The following EPS8 variants were observed in gnomAD, a reference collection of about 807,000 sequenced individuals.
EPS8 encodes EGFR pathway substrate 8, signaling adaptor.
In EPS8, 42 loss-of-function variants were observed where a neutral mutation model predicts 103.8. The ratio of observed to expected loss-of-function variants is 0.40; its 90% confidence interval spans 0.32 to 0.52. EPS8 has a LOEUF of 0.52. EPS8 is among the 20% of genes least tolerant of loss of function. The probability of loss-of-function intolerance (pLI) is 0.40; values close to 1 mark genes in which losing one functional copy is unlikely to be tolerated. For missense variants in EPS8, 969 were observed against 1,005.1 expected (o/e 0.96, Z 0.49); for synonymous variants, 344 against 344.6 (o/e 1.00, Z 0.02).
rs1438184349 is a variant in EPS8 at position 15,680,953 on chromosome 12, G to C, written c.136+273C>G. ...ACAAACATTATTACAAGTAGTAAAT[G>C]GGAAAAGCCACCTAGGGCATTGGCA... On this transcript the variant is annotated intron_variant, in intron 3 of 20. Coordinates refer to ENST00000281172, the MANE Select transcript of EPS8 (RefSeq NM_004447.6). Among the ~76,000 whole-genome samples the C allele has an allele frequency of 3.3e-5, 5 of 152,126 alleles. No homozygotes were observed. In the South Asian group the frequency reaches 1.0e-3, roughly 32 times the overall value.
intron 3 of EPS8, among the ~76,000 whole-genome samples, chr12:15,679,334 C>T (rs963665588): frequency 1.2e-4 from 18 of 152,170 alleles, no homozygotes; most frequent in Non-Finnish European, 2.1e-4. Context: ...ATGTGGTCTA[C>T]GTTCATTTTT....
rs965385044 is a variant in EPS8, at chr12:15,690,542, G to C, written c.-21-7570C>G. On this transcript the variant is annotated intron_variant, in intron 1 of 20. Transcript: ENST00000281172. The surrounding 1 kb of genome is among the most constrained non-coding windows in gnomAD (Gnocchi z 4.7). ...GATTGTTTTGATAAGGGAACACAGA[G>C]GTATTATATCTTATCAAGGATTATC... Among the ~76,000 whole-genome samples the C allele has an allele frequency of 1.3e-5, 2 of 152,006 alleles. No individual in the cohort carries two copies. Among genetic ancestry groups the C allele is most frequent in the East Asian group, 3.9e-4 (2 of 5,190 alleles).
At chr12:15,719,494 C>T (rs2135974056) in intron 1 of EPS8, among the ~76,000 whole-genome samples, 1 of 152,314 alleles carries the variant, frequency 6.6e-6, no homozygotes, top group East Asian at 1.9e-4. Flanking sequence ...GTGTCAGTGA[C>T]ACACAACAGA....
intron 3 of EPS8, among the ~76,000 whole-genome samples, chr12:15,676,841 T>G (rs1945917414): frequency 6.6e-6 from 1 of 152,178 alleles, no homozygotes; most frequent in Admixed American, 6.5e-5. Context: ...ATTTCTTGTA[T>G]GGTAATTTAA....
chr12:15,723,920 T>C (rs1946625356), intron 1 of EPS8, among the ~76,000 whole-genome samples: 1 of 152,202 alleles, frequency 6.6e-6, no homozygotes, highest in Non-Finnish European at 1.5e-5. Context: ...AATTTGAAGA[T>C]AACCAACAGG....
rs1945467871 is a variant in EPS8, at chr12:15,654,222, A to G, written c.1173T>C (p.Ile391=). 1 of 1,613,698 alleles carries G rather than the reference A, an allele frequency of 6.2e-7. No individual in the cohort carries two copies. The highest frequency in any genetic ancestry group is 8.5e-7 in the Non-Finnish European group (1 of 1,179,670). Residue 391 remains isoleucine (I), a synonymous_variant, in exon 13 of 21, where the codon ATT becomes ATC. Coordinates refer to ENST00000281172, the MANE Select transcript of EPS8 (RefSeq NM_004447.6). ...CATTGACAGTATAATTTAAGAAATC[A>G]ATTGTGTCCTTATTCAATAGGGGAC... ...VLSPLLNKDT[I]DFLNYTVNGD...
chr12:15,758,338 C>G (rs1947008665), intron 1 of EPS8, among the ~76,000 whole-genome samples: 1 of 152,162 alleles, frequency 6.6e-6, no homozygotes, highest in Non-Finnish European at 1.5e-5. Context: ...AAATCTATAA[C>G]GTAGAACATT....
intron 1 of EPS8, among the ~76,000 whole-genome samples, chr12:15,753,099 G>A (rs1468889611): frequency 6.6e-6 from 1 of 151,436 alleles, no homozygotes; most frequent in African/African-American, 2.4e-5. Context: ...TCTGGACAGG[G>A]CCACAGCAGG....
Position 15,623,421 on chromosome 12 carries a change from C to CTACA in EPS8, c.2226-138_2226-135dup, listed in dbSNP as rs1944892944. On this transcript the variant is annotated intron_variant, in intron 19 of 20. Coordinates refer to ENST00000281172, the MANE Select transcript of EPS8 (RefSeq NM_004447.6). ...ACCCTGGAACCCTTATTAAATGCCA[C>CTACA]TACAGTCTTTATAGTTAGGGCAATG... is the stretch of plus-strand genomic sequence containing the variant. 4.3e-6 allele frequency: 3 copies of CTACA among 702,322 alleles called. No homozygotes were observed. In the African/African-American group the frequency reaches 5.4e-5, roughly 13 times the overall value. The allele number at this position is 702,322 out of a possible 1,614,324, so 43.5% of individuals were successfully genotyped here.
intron 1 of EPS8, among the ~76,000 whole-genome samples, chr12:15,723,781 C>A (rs929890122): frequency 3.9e-5 from 6 of 152,080 alleles, no homozygotes; most frequent in African/African-American, 1.4e-4. Context: ...TAATCCAAAA[C>A]CAAAAGTTTT....
At chr12:15,786,863 A>C (rs185725495) in intron 1 of EPS8, among the ~76,000 whole-genome samples, 10 of 152,270 alleles carry the variant, frequency 6.6e-5, no homozygotes, top group Non-Finnish European at 1.5e-4. Flanking sequence ...AATAATTCCC[A>C]GGAGGGATTT....
Position 15,688,853 on chromosome 12 carries a change from A to T in EPS8, c.-21-5881T>A, listed in dbSNP as rs1946133023. Among the ~76,000 whole-genome samples, 1 of 152,182 alleles carries T rather than the reference A, an allele frequency of 6.6e-6. No homozygotes were observed. Among genetic ancestry groups the T allele is most frequent in the Admixed American group, 6.5e-5 (1 of 15,278 alleles). ...GGATCTAATTGAGCTGGTTAACACA[A>T]GCTGTCTATAGACAGCAAAACTAAA... On this transcript the variant is annotated intron_variant, in intron 1 of 20. Coordinates refer to ENST00000281172, the MANE Select transcript of EPS8 (RefSeq NM_004447.6). This position sits in a 1 kb window ranked among gnomAD's most constrained non-coding sequence, Gnocchi z 5.1.
In EPS8 at chr12:15,695,352, A is replaced by G. The variant is rs1946228340; in HGVS notation, c.-21-12380T>C. Among the ~76,000 whole-genome samples the G allele has an allele frequency of 6.6e-6, 1 of 152,214 alleles. No individual in the cohort carries two copies. On this transcript the variant is annotated intron_variant, in intron 1 of 20. Transcript: ENST00000281172. The surrounding 1 kb of genome is among the most constrained non-coding windows in gnomAD (Gnocchi z 5.0). Reference sequence around the variant, plus strand: ...CATTCATTCGCTCATTTAACAAATAATTACTACGTAACCAGAATGTGCCCA... The same window carrying G: ...CATTCATTCGCTCATTTAACAAATAGTTACTACGTAACCAGAATGTGCCCA...
In EPS8 at chr12:15,624,355, G is replaced by T. The variant is rs756755882; in HGVS notation, c.2097C>A (p.Thr699=). Residue 699 remains threonine (T), a synonymous_variant, in exon 19 of 21, where the codon ACC becomes ACA. Coordinates refer to ENST00000281172, the MANE Select transcript of EPS8 (RefSeq NM_004447.6). ...TCTTCTGAGCGGCACTCCGACCAAT[G>T]GTCAGTCTGTGGATGAGTTCATCTT... The part of the protein sequence containing the change: ...EVQDELIHRL[T]IGRSAAQKKF... 1.9e-6 allele frequency: 3 copies of T among 1,605,986 alleles called. No individual in the cohort carries two copies. In the South Asian group the frequency reaches 3.3e-5, roughly 18 times the overall value.
In EPS8 at chr12:15,748,010, A is replaced by T. The variant is rs896128102; in HGVS notation, c.-22+41151T>A. Among the ~76,000 whole-genome samples, 10 of 151,958 alleles carry T rather than the reference A, an allele frequency of 6.6e-5. No individual in the cohort carries two copies. Among genetic ancestry groups the T allele is most frequent in the African/African-American group, 2.4e-4 (10 of 41,286 alleles). ...ACTCCAGCCTTGGCAACAGAGCAAG[A>T]CTCCATCTCAAAATCAAAAACAAAA... On this transcript the variant is annotated intron_variant, in intron 1 of 20. Transcript: ENST00000281172. This position sits in a 1 kb window ranked among gnomAD's most constrained non-coding sequence, Gnocchi z 4.8.
chr12:15,658,435 TGACTA>T, intron 11 of EPS8, 57 bp downstream of exon 11: 1 of 1,112,494 alleles, frequency 9.0e-7, no homozygotes, highest in Non-Finnish European at 1.4e-6. Context: ...AGAAACATCC[TGACTA>T]GATTTTCACC....
chr12:15,631,014 A>G (rs12809839), intron 18 of EPS8, among the ~76,000 whole-genome samples: 17,597 of 152,238 alleles, frequency 0.12, 1,281 homozygotes, highest in South Asian at 0.19. Context: ...AGAAGCACTG[A>G]AGTAGATGCT....
chr12:15,656,332 T>C (rs1945507266), intron 12 of EPS8, among the ~76,000 whole-genome samples: 1 of 152,194 alleles, frequency 6.6e-6, no homozygotes, highest in Admixed American at 6.5e-5. Context: ...AAAGCATTTA[T>C]AGAGCAAGAA....
At chr12:15,679,670 T>C (rs1945969975) in intron 3 of EPS8, among the ~76,000 whole-genome samples, 1 of 152,196 alleles carries the variant, frequency 6.6e-6, no homozygotes, top group Non-Finnish European at 1.5e-5. Context: ...CCCTCACCAG[T>C]GCACCTCCTA....
Sources: gnomAD v4.1 joint callset for allele counts (sites outside exome capture counted in the v4.1 genomes callset) on GRCh38, gnomAD v4.1.1 for gene constraint, Gnocchi (gnomAD v3.1) non-coding constraint, MANE v1.5 for transcripts, NCBI Gene and HGNC (gene_info 2026-07-23, HGNC 2026-07-21) for gene names.